The following STPG2 variants were observed in gnomAD, a reference collection of about 807,000 sequenced individuals.
STPG2 encodes sperm tail PG-rich repeat containing 2.
STPG2 carries 56 observed loss-of-function variants against 54.2 expected under a neutral mutation model. That is an observed-to-expected ratio of 1.03 (90% CI 0.83 to 1.29). The LOEUF is 1.29. STPG2 is among the 50% of genes most tolerant of loss of function. The probability of loss-of-function intolerance (pLI) is 0.00; values close to 1 mark genes in which losing one functional copy is unlikely to be tolerated. For synonymous variants in STPG2, 200 were observed against 181.8 expected, an observed-to-expected ratio of 1.10 and a Z score of -0.81; for missense variants, 596 against 544.9, an observed-to-expected ratio of 1.09 and a Z score of -0.93.
At chr4:97,871,087 A>T (rs1233718530) in intron 8 of STPG2, among the ~76,000 whole-genome samples, 1 of 151,200 alleles carries the variant, frequency 6.6e-6, no homozygotes, top group African/African-American at 2.4e-5. Context: ...TGAAAATACA[A>T]ATTCAAATTA....
At chr4:97,452,825 C>G (rs893037709) in intron 4 of STPG2, among the ~76,000 whole-genome samples, 1 of 152,200 alleles carries the variant, frequency 6.6e-6, no homozygotes, top group African/African-American at 2.4e-5. Context: ...GGTCTTCTCT[C>G]TGCTAGGAGC....
chr4:97,577,352 C>T (rs769634643), intron 10 of STPG2, among the ~76,000 whole-genome samples: 5 of 152,026 alleles, frequency 3.3e-5, no homozygotes, highest in Admixed American at 6.6e-5. Context: ...GGTATCCATA[C>T]GTGGAGGACT....
chr4:97,976,166 T>C (rs2149259955), intron 6 of STPG2, among the ~76,000 whole-genome samples: 1 of 152,326 alleles, frequency 6.6e-6, no homozygotes, highest in Non-Finnish European at 1.5e-5. Flanking sequence ...ACAAAAATTC[T>C]GTTGTGCCAA....
intron 5 of STPG2, among the ~76,000 whole-genome samples, chr4:98,103,790 C>A (rs762853793): frequency 5.1e-4 from 78 of 152,120 alleles, no homozygotes; most frequent in Non-Finnish European, 5.9e-5. Context: ...TATCATGCCT[C>A]ACTCTCAAAA....
chr4:97,525,304 C>T (rs1731259822), intron 4 of STPG2, among the ~76,000 whole-genome samples: 1 of 151,788 alleles, frequency 6.6e-6, no homozygotes, highest in South Asian at 2.1e-4. Flanking sequence ...TATGGGGCAG[C>T]TATAACCTCA....
At chr4:97,820,997 A>C (rs1262121087) in intron 9 of STPG2, among the ~76,000 whole-genome samples, 3 of 152,146 alleles carry the variant, frequency 2.0e-5, no homozygotes, top group African/African-American at 7.2e-5. Context: ...TGCAAATTAC[A>C]ATCATGCTTT....
At chr4:97,521,045 A>G (rs1373940040) in intron 4 of STPG2, among the ~76,000 whole-genome samples, 1 of 152,016 alleles carries the variant, frequency 6.6e-6, no homozygotes, top group Non-Finnish European at 1.5e-5. Flanking sequence ...TAAATGTTCC[A>G]CATGTGATGT....
intron 9 of STPG2, among the ~76,000 whole-genome samples, chr4:97,787,282 A>G (rs1308924545): frequency 6.6e-6 from 1 of 152,108 alleles, no homozygotes; most frequent in Non-Finnish European, 1.5e-5. Context: ...CATATTCCCA[A>G]TTTATCATAT....
intron 4 of STPG2, among the ~76,000 whole-genome samples, chr4:97,520,482 C>T (rs1477828922): frequency 2.0e-5 from 3 of 152,046 alleles, no homozygotes; most frequent in African/African-American, 2.4e-5. Flanking sequence ...ATAATAACCA[C>T]CTTTGGATCC....
intron 5 of STPG2, among the ~76,000 whole-genome samples, chr4:98,058,980 C>CAA (rs55750054): frequency 1.2e-4 from 16 of 131,236 alleles, no homozygotes; most frequent in African/African-American, 1.6e-4. Context: ...TAGCAGAAGA[C>CAA]AAAAAAAAAA....
chr4:98,120,716 G>C (rs536108555), intron 3 of STPG2, among the ~76,000 whole-genome samples: 2 of 152,218 alleles, frequency 1.3e-5, no homozygotes, highest in South Asian at 4.1e-4. Context: ...TTCTTTTGAG[G>C]AGTGTCTGTT....
chr4:97,824,035 A>C (rs1036404929), intron 9 of STPG2, among the ~76,000 whole-genome samples: 2 of 152,166 alleles, frequency 1.3e-5, no homozygotes, highest in Non-Finnish European at 2.9e-5. Flanking sequence ...CTTTGGATTA[A>C]TCTGTCTTTC....
At chr4:98,056,916 T>C (rs966150511) in intron 5 of STPG2, among the ~76,000 whole-genome samples, 3 of 135,784 alleles carry the variant, frequency 2.2e-5, no homozygotes, top group Admixed American at 1.4e-4. Flanking sequence ...TCTATCATGA[T>C]TGTAAGTTTC....
intron 5 of STPG2, among the ~76,000 whole-genome samples, chr4:97,983,447 T>C (rs1734738076): frequency 6.6e-6 from 1 of 152,176 alleles, no homozygotes; most frequent in Admixed American, 6.5e-5. Flanking sequence ...AATCTCTACA[T>C]TGTTCAGAGG....
chr4:97,567,598 A>C (rs1247605376), intron 10 of STPG2, among the ~76,000 whole-genome samples: 1 of 151,910 alleles, frequency 6.6e-6, no homozygotes, highest in Non-Finnish European at 1.5e-5. Flanking sequence ...GGGATGTCCA[A>C]ATATAGGAAA....
chr4:97,499,529 T>C lies in STPG2; in HGVS notation c.462+213170A>G, dbSNP rs141924768. On this transcript the variant is annotated intron_variant, in intron 4 of 4. Coordinates refer to the STPG2 transcript ENST00000522676. The stretch of plus-strand genomic sequence containing the variant: ...CCAAGTAAATTTCCTTTAATTTTCT[T>C]CATGGCATTGATCATGTTCTAATAT... Among the ~76,000 whole-genome samples the C allele has an allele frequency of 1.7e-3, 257 of 152,148 alleles. 1 individual carries two copies. The highest frequency in any genetic ancestry group is 5.9e-3 in the African/African-American group (246 of 41,564).
intron 5 of STPG2, among the ~76,000 whole-genome samples, chr4:98,046,028 TGA>T (rs1489542066): frequency 6.6e-6 from 1 of 152,046 alleles, no homozygotes; most frequent in Non-Finnish European, 1.5e-5. Flanking sequence ...GTCCCTTAAG[TGA>T]TCTTCATAGT....
intron 3 of STPG2, among the ~76,000 whole-genome samples, chr4:98,123,773 G>A (rs4440224): frequency 0.4 from 60,109 of 151,908 alleles, 12,129 homozygotes; most frequent in Middle Eastern, 0.46. Flanking sequence ...ATCTAATATT[G>A]CTAGTGAGAT....
At chr4:98,101,437 C>G (rs905005418) in intron 5 of STPG2, among the ~76,000 whole-genome samples, 3 of 151,974 alleles carry the variant, frequency 2.0e-5, no homozygotes, top group African/African-American at 7.2e-5. Flanking sequence ...TCTACTTGCC[C>G]ATCCCAAGGC....
Sources: allele counts gnomAD v4.1 joint callset (sites outside exome capture counted in the v4.1 genomes callset), GRCh38; gene constraint gnomAD v4.1.1; transcripts MANE v1.5; gene names NCBI Gene and HGNC (gene_info 2026-07-23, HGNC 2026-07-21).